Variants in AFG3L2 observed in about 807,000 individuals in gnomAD.
AFG3L2 encodes the protein mitochondrial inner membrane m-AAA protease component AFG3L2.
In AFG3L2, 54 loss-of-function variants were observed where a neutral mutation model predicts 94.5. The observed-to-expected ratio is 0.57, with a 90% confidence interval of 0.46 to 0.72. The LOEUF is 0.72. AFG3L2 is among the 30% of genes least tolerant of loss of function. The probability of loss-of-function intolerance (pLI) is 0.00; values close to 1 mark genes in which losing one functional copy is unlikely to be tolerated. For missense variants in AFG3L2, 754 were observed against 994.9 expected (o/e 0.76, Z 3.26); for synonymous variants, 377 against 365.5 (o/e 1.03, Z -0.36).
chr18:12,343,578 C>G (rs1287062420), intron 14 of AFG3L2: 1 of 155,718 alleles, frequency 6.4e-6, no homozygotes, highest in Non-Finnish European at 1.4e-5. Context: ...GGGTAGATTT[C>G]TCTTTGGTCT....
intron 13 of AFG3L2, among the ~76,000 whole-genome samples, chr18:12,347,717 A>C (rs1278620371): frequency 6.6e-6 from 1 of 151,960 alleles, no homozygotes; most frequent in East Asian, 1.9e-4. Flanking sequence ...TGCCTGGCTA[A>C]TCTTTGTATT....
chr18:12,373,505 A>T (rs187231375), intron 1 of AFG3L2, among the ~76,000 whole-genome samples: 1 of 152,286 alleles, frequency 6.6e-6, no homozygotes, highest in East Asian at 1.9e-4. Flanking sequence ...AGGGAACAGG[A>T]GTGGTGCAGA....
At chr18:12,345,379 C>T (rs1184687770) in intron 13 of AFG3L2, among the ~76,000 whole-genome samples, 1 of 152,174 alleles carries the variant, frequency 6.6e-6, no homozygotes, top group Admixed American at 6.5e-5. Context: ...CAAATCATCA[C>T]ACAGTGGCAA....
intron 16 of AFG3L2, among the ~76,000 whole-genome samples, chr18:12,332,261 T>C (rs1467891830): frequency 6.6e-6 from 1 of 151,764 alleles, no homozygotes; most frequent in African/African-American, 2.4e-5. Flanking sequence ...GTAGTTGGGA[T>C]TACAGGCGTC....
At chr18:12,376,695 A>G (rs113834409) in intron 1 of AFG3L2, among the ~76,000 whole-genome samples, 60 of 152,312 alleles carry the variant, frequency 3.9e-4, no homozygotes, top group African/African-American at 1.3e-3. Context: ...CCAAGCCAAC[A>G]TGACCTTCGA....
chr18:12,376,899 G>C, intron 1 of AFG3L2, 70 bp downstream of exon 1: 1 of 1,211,846 alleles, frequency 8.3e-7, no homozygotes, highest in South Asian at 1.9e-5. Context: ...TGACCTTGAC[G>C]TCCGCTCTCC....
At chr18:12,335,883 A>G (rs1907726487) in intron 16 of AFG3L2, among the ~76,000 whole-genome samples, 1 of 152,360 alleles carries the variant, frequency 6.6e-6, no homozygotes, top group East Asian at 1.9e-4. Flanking sequence ...GTGCACCGAC[A>G]GCATGGATTC....
intron 16 of AFG3L2, 45 bp downstream of exon 16, chr18:12,337,296 T>G (rs1404351421): frequency 1.9e-6 from 3 of 1,579,100 alleles, no homozygotes; most frequent in African/African-American, 1.3e-5. Context: ...CTTCAATCTT[T>G]TTTTTGCAAA....
intron 8 of AFG3L2, among the ~76,000 whole-genome samples, chr18:12,357,811 C>G (rs892241138): frequency 4.6e-5 from 7 of 152,088 alleles, no homozygotes; most frequent in African/African-American, 1.4e-4. Flanking sequence ...GTTGGCCAGG[C>G]TGGTCTCGAA....
Position 12,371,577 on chromosome 18 carries a change from C to T in AFG3L2, c.214+15G>A. 1 of 1,609,036 alleles carries T rather than the reference C, an allele frequency of 6.2e-7. No individual in the cohort carries two copies. Reference sequence around the variant, plus strand: ...CTAAGAATGTAGAACACTACAGCCACACCTAAGCATTTACCTTTTGGGGGT... The same window carrying T: ...CTAAGAATGTAGAACACTACAGCCATACCTAAGCATTTACCTTTTGGGGGT... On this transcript the variant is annotated intron_variant, in intron 2 of 16. Transcript: ENST00000269143.
At chr18:12,374,291 G>A (rs528844066) in intron 1 of AFG3L2, among the ~76,000 whole-genome samples, 1 of 152,264 alleles carries the variant, frequency 6.6e-6, no homozygotes, top group Non-Finnish European at 1.5e-5. Flanking sequence ...CCGCATTTTG[G>A]AGAATTAGCC....
In AFG3L2 at chr18:12,329,412, G is replaced by A; in HGVS notation, c.*153C>T. 2.4e-6 allele frequency: 2 copies of A among 836,286 alleles called. No homozygotes were observed. Among genetic ancestry groups the A allele is most frequent in the South Asian group, 1.4e-5 (1 of 70,148 alleles). The allele number at this position is 836,286 out of a possible 1,614,324, so 51.8% of individuals were successfully genotyped here. On this transcript the variant is annotated 3_prime_UTR_variant, in exon 17 of 17. Transcript: ENST00000269143. The stretch of plus-strand genomic sequence containing the variant: ...GCCACCCACTGTGACCTCTGAGGCT[G>A]AAAGGACTAAGGACTCCTTTCCCCA...
At position 12,340,241 on chromosome 18, in the gene AFG3L2, T is replaced by G. The variant is rs774638640; in HGVS notation, c.1940A>C (p.Gln647Pro). Residue 647 changes from glutamine to proline, a missense_variant, in exon 15 of 17, where the codon CAA (glutamine) becomes CCA (proline). Physicochemically the swap from Gln to Pro is moderately conservative, Grantham distance 76. Coordinates refer to ENST00000269143, the MANE Select transcript of AFG3L2 (RefSeq NM_006796.3). ...CTGAGTTACTTTTCTCAAGTCATCT[T>G]GAGCACCAGTTGTAATTCTTCCAAA... ...IFFGRITTGA[Q>P]DDLRKVTQSA... is the part of the protein sequence containing the mutation. The G allele has an allele frequency of 6.2e-7, 1 of 1,614,174 alleles. No individual in the cohort carries two copies. Among genetic ancestry groups the G allele is most frequent in the East Asian group, 2.2e-5 (1 of 44,868 alleles).
chr18:12,335,834 T>G (rs1160656739), intron 16 of AFG3L2, among the ~76,000 whole-genome samples: 3 of 152,224 alleles, frequency 2.0e-5, no homozygotes, highest in Non-Finnish European at 4.4e-5. Context: ...TCCAGTGTTT[T>G]GGGGATGCTG....
intron 1 of AFG3L2, among the ~76,000 whole-genome samples, chr18:12,376,018 A>T (rs1909144391): frequency 6.6e-6 from 1 of 152,200 alleles, no homozygotes; most frequent in Non-Finnish European, 1.5e-5. Context: ...CGTAGATCGG[A>T]GGGTCTGCTA....
chr18:12,359,875 G>A (rs369139388), intron 7 of AFG3L2, 52 bp downstream of exon 7: 58 of 1,608,698 alleles, frequency 3.6e-5, no homozygotes, highest in Middle Eastern at 4.5e-4. Flanking sequence ...AGAACACAGT[G>A]AACCACAGGC....
intron 5 of AFG3L2, among the ~76,000 whole-genome samples, chr18:12,365,978 C>T (rs1387583940): frequency 6.6e-6 from 1 of 151,538 alleles, no homozygotes. Context: ...GGGTTCACGC[C>T]ATTCTCCTGC....
intron 8 of AFG3L2, among the ~76,000 whole-genome samples, chr18:12,357,582 G>A (rs1908532674): frequency 6.6e-6 from 1 of 152,046 alleles, no homozygotes; most frequent in South Asian, 2.1e-4. Flanking sequence ...TTCAAAGAAA[G>A]ATGTGTTTGC....
In AFG3L2 at chr18:12,363,860, G is replaced by C; in HGVS notation, c.553-4C>G. 6.2e-7 allele frequency: 1 copy of C among 1,609,658 alleles called. No individual in the cohort carries two copies. The highest frequency in any genetic ancestry group is 8.5e-7 in the Non-Finnish European group (1 of 1,176,602). On this transcript the variant is annotated splice_polypyrimidine_tract_variant and splice_region_variant and intron_variant, in intron 5 of 16. Coordinates refer to ENST00000269143, the MANE Select transcript of AFG3L2 (RefSeq NM_006796.3). ...TGACGACTTCCAATCTGTCTACCTAGAATTTTAAAAATAAATTCACACATA... is the reference window on the plus strand; with the variant it reads ...TGACGACTTCCAATCTGTCTACCTACAATTTTAAAAATAAATTCACACATA...
Sources: gnomAD v4.1 joint callset for allele counts (sites outside exome capture counted in the v4.1 genomes callset) on GRCh38, gnomAD v4.1.1 for gene constraint, MANE v1.5 for transcripts, NCBI Gene and HGNC (gene_info 2026-07-23, HGNC 2026-07-21) for gene names.